Variants in VAPA observed in about 807,000 individuals in gnomAD.
VAPA encodes the protein VAMP associated protein A, also known as vesicle-associated membrane protein-associated protein A.
VAPA carries 6 observed loss-of-function variants against 25.6 expected under a neutral mutation model. That is an observed-to-expected ratio of 0.23 (90% CI 0.13 to 0.46). The LOEUF (loss-of-function observed/expected upper bound fraction) is 0.46, where lower values mean the gene tolerates loss of function less well. Ranked by LOEUF, VAPA falls within the 20% of genes least tolerant of loss-of-function variation. The pLI, the probability that VAPA is intolerant of heterozygous loss-of-function variation, is 0.99. For synonymous variants in VAPA, 112 were observed against 106.2 expected (o/e 1.05, Z -0.34); for missense variants, 244 against 302.1 (o/e 0.81, Z 1.43).
intron 4 of VAPA, among the ~76,000 whole-genome samples, chr18:9,947,377 C>T (rs993238821): frequency 2.0e-5 from 3 of 152,136 alleles, no homozygotes; most frequent in African/African-American, 7.2e-5. Flanking sequence ...GTGATAAGAC[C>T]TCACTAGGTA....
chr18:9,937,831 G>A (rs1454683557), intron 4 of VAPA, among the ~76,000 whole-genome samples: 1 of 152,080 alleles, frequency 6.6e-6, no homozygotes, highest in Non-Finnish European at 1.5e-5. Flanking sequence ...CATGACTACT[G>A]CCTTAATCTA....
At chr18:9,922,800 G>T (rs1288002962) in intron 1 of VAPA, among the ~76,000 whole-genome samples, 3 of 152,096 alleles carry the variant, frequency 2.0e-5, no homozygotes, top group Non-Finnish European at 4.4e-5. Flanking sequence ...CTCTTCCTGT[G>T]ATGCCAGTTA....
chr18:9,928,552 G>C (rs1446283862), intron 1 of VAPA, among the ~76,000 whole-genome samples: 1 of 152,102 alleles, frequency 6.6e-6, no homozygotes, highest in Non-Finnish European at 1.5e-5. Flanking sequence ...TAGTGAAGCA[G>C]ATTATTGGTT....
chr18:9,951,781 CTAAAT>C (rs77010566), intron 5 of VAPA, among the ~76,000 whole-genome samples: 13 of 152,176 alleles, frequency 8.5e-5, no homozygotes, highest in Non-Finnish European at 1.5e-4. Context: ...GAACTACACT[CTAAAT>C]TAAAGGCACT....
chr18:9,941,271 AT>A (rs2069364128), intron 4 of VAPA, among the ~76,000 whole-genome samples: 1 of 152,178 alleles, frequency 6.6e-6, no homozygotes, highest in African/African-American at 2.4e-5. Flanking sequence ...TTACTGAGAA[AT>A]GTGTTTAAAC....
Position 9,914,177 on chromosome 18 carries a change from A to G in VAPA, c.-80A>G. On this transcript the variant is annotated 5_prime_UTR_variant, in exon 1 of 6. Transcript: ENST00000400000. ...CTGGCCTCGTCCTAGAGCTCGGCCG[A>G]GCCGTCGCCGCCGTCGTCCCCCGCC... The G allele has an allele frequency of 1.5e-6, 2 of 1,323,912 alleles. No individual in the cohort carries two copies. The highest frequency in any genetic ancestry group is 3.0e-5 in the East Asian group (1 of 33,540). 82.0% of individuals were successfully genotyped at this position (1,323,912 alleles called of 1,614,324 possible).
In VAPA at chr18:9,959,007, ATTAC is replaced by A. The variant is rs1267402823; in HGVS notation, c.*4800_*4803del. The A allele has an allele frequency of 1.3e-5, 2 of 152,040 alleles. No individual in the cohort carries two copies. The highest frequency in any genetic ancestry group is 2.9e-5 in the Non-Finnish European group (2 of 67,986). The allele number at this position is 152,040 out of a possible 1,614,324, so 9.4% of individuals were successfully genotyped here. A position where few individuals can be genotyped will look rare whatever the true frequency, so the allele number is the denominator to read the frequency against. ...GTATAATGTCGTTTTCAACATGCTT[ATTAC>A]TTAGTTTTACGTCAGCTCATTTCAT... On this transcript the variant is annotated 3_prime_UTR_variant, in exon 6 of 6. Transcript: ENST00000400000.
At chr18:9,921,787 C>T (rs955598640) in intron 1 of VAPA, among the ~76,000 whole-genome samples, 1 of 152,148 alleles carries the variant, frequency 6.6e-6, no homozygotes, top group African/African-American at 2.4e-5. Flanking sequence ...TGGTTTAATT[C>T]ATTTTATAAC....
intron 1 of VAPA, among the ~76,000 whole-genome samples, chr18:9,921,125 T>G (rs988885273): frequency 1.3e-5 from 2 of 152,264 alleles, no homozygotes; most frequent in African/African-American, 4.8e-5. Flanking sequence ...GATTGCCCAG[T>G]AAGTGTTGAT....
At chr18:9,922,515 T>C (rs636407) in intron 1 of VAPA, among the ~76,000 whole-genome samples, 52,418 of 151,888 alleles carry the variant, frequency 0.35, 9,506 homozygotes, top group Middle Eastern at 0.45. Context: ...GTATACCTGG[T>C]CTCACAGGAA....
rs537039299 is a variant in VAPA at position 9,916,751 on chromosome 18, G to A, written c.79+2416G>A. 2.2e-4 allele frequency among the ~76,000 whole-genome samples: 33 copies of A among 152,304 alleles called. No individual in the cohort carries two copies. In the South Asian group the frequency reaches 6.6e-3, roughly 31 times the overall value. On this transcript the variant is annotated intron_variant, in intron 1 of 5. Transcript: ENST00000400000. ...TATGATAGAAAAAAATCATTTAACTGACTTACCCTAAGTCATTCAAAACTT... is the reference window on the plus strand; with the variant it reads ...TATGATAGAAAAAAATCATTTAACTAACTTACCCTAAGTCATTCAAAACTT...
intron 1 of VAPA, among the ~76,000 whole-genome samples, chr18:9,926,684 G>A (rs1047903280): frequency 2.0e-5 from 3 of 152,108 alleles, no homozygotes; most frequent in Non-Finnish European, 4.4e-5. Flanking sequence ...TTAGAGAACC[G>A]GAATCTTTCA....
In VAPA at chr18:9,914,336, G is replaced by A; in HGVS notation, c.79+1G>A. 6.3e-7 allele frequency: 1 copy of A among 1,577,278 alleles called. No homozygotes were observed. The highest frequency in any genetic ancestry group is 8.6e-7 in the Non-Finnish European group (1 of 1,163,766). Reference sequence around the variant, plus strand: ...CCGCCCACAGACCTCAAATTCAAAGGTAGGCAGAACGGGGACACCCCCGGG... The same window carrying A: ...CCGCCCACAGACCTCAAATTCAAAGATAGGCAGAACGGGGACACCCCCGGG... On this transcript the variant is annotated splice_donor_variant, in intron 1 of 5. Coordinates refer to ENST00000400000, the MANE Select transcript of VAPA (RefSeq NM_194434.3). LOFTEE classifies it high-confidence loss of function.
rs375024414 is a variant in VAPA at position 9,922,552 on chromosome 18, G to A, written c.79+8217G>A. On this transcript the variant is annotated intron_variant, in intron 1 of 5. Coordinates refer to ENST00000400000, the MANE Select transcript of VAPA (RefSeq NM_194434.3). ...AGGCTGTTTATAATCTAGATTCAAG[G>A]CCAGCCAATATATATGCTGGTGACT... Among the ~76,000 whole-genome samples, 68 of 152,152 alleles carry A rather than the reference G, an allele frequency of 4.5e-4. 1 individual carries two copies. The highest frequency in any genetic ancestry group is 1.5e-3 in the African/African-American group (62 of 41,516).
In VAPA at chr18:9,955,642, A is replaced by C. The variant is rs2069540814; in HGVS notation, c.*1431A>C. The C allele has an allele frequency of 6.6e-6, 1 of 152,186 alleles. No homozygotes were observed. Among genetic ancestry groups the C allele is most frequent in the Non-Finnish European group, 1.5e-5 (1 of 68,022 alleles). The allele number at this position is 152,186 out of a possible 1,614,324, so 9.4% of individuals were successfully genotyped here. On this transcript the variant is annotated 3_prime_UTR_variant, in exon 6 of 6. Coordinates refer to ENST00000400000, the MANE Select transcript of VAPA (RefSeq NM_194434.3). ...TGGTGCAGTGAAGTATTTTAGGCCC[A>C]GGTCTGTGTACACATTTTATAGAAG... is the stretch of plus-strand genomic sequence containing the variant.
intron 4 of VAPA, among the ~76,000 whole-genome samples, chr18:9,940,693 T>C (rs2069358147): frequency 6.6e-6 from 1 of 152,214 alleles, no homozygotes; most frequent in Non-Finnish European, 1.5e-5. Context: ...GCTGAAGTGG[T>C]GTTTCAATTA....
chr18:9,947,249 A>T (rs925280034), intron 4 of VAPA, among the ~76,000 whole-genome samples: 3 of 152,236 alleles, frequency 2.0e-5, no homozygotes, highest in African/African-American at 7.2e-5. Context: ...CCTGTAACAT[A>T]GTCATTTATT....
At position 9,956,576 on chromosome 18, in the gene VAPA, C is replaced by T. The variant is rs2069553551; in HGVS notation, c.*2365C>T. The stretch of plus-strand genomic sequence containing the variant: ...ACTGTTGTTCATATCAGGAGATGCT[C>T]TGATTGTATAGGTGAGACTCTGTTT... On this transcript the variant is annotated 3_prime_UTR_variant, in exon 6 of 6. Coordinates refer to ENST00000400000, the MANE Select transcript of VAPA (RefSeq NM_194434.3). The T allele has an allele frequency of 6.6e-6, 1 of 152,558 alleles. No homozygotes were observed. The highest frequency in any genetic ancestry group is 2.4e-5 in the African/African-American group (1 of 41,424). 9.5% of individuals were successfully genotyped at this position (152,558 alleles called of 1,614,324 possible).
At chr18:9,920,796 A>T (rs928091078) in intron 1 of VAPA, among the ~76,000 whole-genome samples, 2 of 152,240 alleles carry the variant, frequency 1.3e-5, no homozygotes, top group Middle Eastern at 3.2e-3. Flanking sequence ...AACTTTGGCT[A>T]TATGAAACCA....
Sources: allele counts gnomAD v4.1 joint callset (sites outside exome capture counted in the v4.1 genomes callset), GRCh38; gene constraint gnomAD v4.1.1; transcripts MANE v1.5; gene names NCBI Gene and HGNC (gene_info 2026-07-23, HGNC 2026-07-21).